The following MYO5A variants were observed in gnomAD, a reference collection of about 807,000 sequenced individuals.
The protein encoded by MYO5A is unconventional myosin-Va.
Under a neutral mutation model 249.7 loss-of-function variants are expected in MYO5A, and 98 were observed. That is an observed-to-expected ratio of 0.39 (90% CI 0.33 to 0.46). The LOEUF is 0.46. MYO5A is among the 20% of genes least tolerant of loss of function. The probability of loss-of-function intolerance (pLI) is 0.98; values close to 1 mark genes in which losing one functional copy is unlikely to be tolerated. For missense variants in MYO5A, 1,696 were observed against 2,308.8 expected, an observed-to-expected ratio of 0.73 and a Z score of 5.44; for synonymous variants, 778 against 810.6, an observed-to-expected ratio of 0.96 and a Z score of 0.68.
At chr15:52,517,100 A>G (rs1454898091) in intron 1 of MYO5A, among the ~76,000 whole-genome samples, 1 of 152,242 alleles carries the variant, frequency 6.6e-6, no homozygotes, top group Non-Finnish European at 1.5e-5. Flanking sequence ...AAGGTATTAA[A>G]AAGCAGAAAG....
At chr15:52,328,109 C>A in intron 35 of MYO5A, 103 bp from the exon 36 acceptor site, 1 of 943,908 alleles carries the variant, frequency 1.1e-6, no homozygotes, top group Non-Finnish European at 1.6e-6. Flanking sequence ...TTCAATCATT[C>A]AAGGTAAGTA....
intron 3 of MYO5A, among the ~76,000 whole-genome samples, chr15:52,427,074 G>A (rs2075411496): frequency 6.6e-6 from 1 of 152,084 alleles, no homozygotes; most frequent in African/African-American, 2.4e-5. Context: ...CATACAAAGA[G>A]AAAGGATGTA....
At chr15:52,469,370 AAAG>A (rs1759634605) in intron 1 of MYO5A, among the ~76,000 whole-genome samples, 1 of 152,250 alleles carries the variant, frequency 6.6e-6, no homozygotes, top group South Asian at 2.1e-4. Flanking sequence ...AAGCTAGAGA[AAAG>A]AAACTTATTA....
intron 29 of MYO5A, among the ~76,000 whole-genome samples, chr15:52,348,171 T>G (rs1230959907): frequency 6.6e-6 from 1 of 152,232 alleles, no homozygotes; most frequent in African/African-American, 2.4e-5. Context: ...GGATCAGATT[T>G]GGGCCACCAG....
intron 1 of MYO5A, among the ~76,000 whole-genome samples, chr15:52,433,587 A>AT (rs1567121938): frequency 6.6e-6 from 1 of 151,664 alleles, no homozygotes; most frequent in African/African-American, 2.4e-5. Flanking sequence ...CACTCAGCTA[A>AT]TTTTTTTGTT....
Position 52,309,340 on chromosome 15 carries a change from C to A in MYO5A, c.*4356G>T, listed in dbSNP as rs2037709192. ...AAAAAGAAAACCACCTGGCGCTGAG[C>A]ACTTGGTCTCCTTAAAACAAGTAAC... On this transcript the variant is annotated 3_prime_UTR_variant, in exon 42 of 42. Transcript: ENST00000399233. The A allele has an allele frequency of 6.6e-6, 1 of 152,184 alleles. No homozygotes were observed. The highest frequency in any genetic ancestry group is 1.5e-5 in the Non-Finnish European group (1 of 68,042). The allele number at this position is 152,184 out of a possible 1,614,324, so 9.4% of individuals were successfully genotyped here.
chr15:52,381,778 TCTCTCA>T (rs1246935262), intron 16 of MYO5A, among the ~76,000 whole-genome samples: 45 of 81,502 alleles, frequency 5.5e-4, no homozygotes, highest in Admixed American at 2.8e-3. Flanking sequence ...TCTCTCTCTC[TCTCTCA>T]CACACACACA....
chr15:52,450,217 A>G (rs1190692533), intron 1 of MYO5A, among the ~76,000 whole-genome samples: 1 of 152,092 alleles, frequency 6.6e-6, no homozygotes, highest in African/African-American at 2.4e-5. Flanking sequence ...TGGTTTTCCT[A>G]TGTATTGCCT....
chr15:52,464,197 G>A (rs1057152377), intron 1 of MYO5A, among the ~76,000 whole-genome samples: 1 of 152,138 alleles, frequency 6.6e-6, no homozygotes, highest in Non-Finnish European at 1.5e-5. Flanking sequence ...CCCGATTCAG[G>A]TACCTCATTG....
chr15:52,319,813 C>G (rs1478593824), intron 38 of MYO5A, among the ~76,000 whole-genome samples: 1 of 152,148 alleles, frequency 6.6e-6, no homozygotes. Context: ...TTAAACTTTA[C>G]TGAAGGAATA....
chr15:52,487,203 T>C (rs2076839900), intron 1 of MYO5A, among the ~76,000 whole-genome samples: 1 of 151,934 alleles, frequency 6.6e-6, no homozygotes, highest in African/African-American at 2.4e-5. Flanking sequence ...ATCGCATGAG[T>C]CCAGGAGTTC....
At chr15:52,470,011 G>A (rs957501402) in intron 1 of MYO5A, among the ~76,000 whole-genome samples, 17 of 152,254 alleles carry the variant, frequency 1.1e-4, no homozygotes, top group Admixed American at 1.0e-3. Context: ...TAAATCCTAC[G>A]AAGGCATTCA....
intron 22 of MYO5A, among the ~76,000 whole-genome samples, chr15:52,367,536 CAAAGGT>C (rs1366625067): frequency 6.6e-6 from 1 of 152,122 alleles, no homozygotes; most frequent in Non-Finnish European, 1.5e-5. Flanking sequence ...CATTTGCTCT[CAAAGGT>C]AATTGATATT....
intron 2 of MYO5A, among the ~76,000 whole-genome samples, chr15:52,429,701 A>AAACC (rs1344580837): frequency 5.1e-5 from 1 of 19,556 alleles, no homozygotes; most frequent in Admixed American, 7.7e-4. Context: ...AAAAAAACAA[A>AAACC]AAAACAAAAC....
chr15:52,445,425 T>C (rs988836086), intron 1 of MYO5A, among the ~76,000 whole-genome samples: 3 of 152,126 alleles, frequency 2.0e-5, no homozygotes, highest in Non-Finnish European at 2.9e-5. Context: ...TCTTATAACT[T>C]ACCCAGTCTC....
At chr15:52,355,720 A>C (rs2040186530) in intron 25 of MYO5A, among the ~76,000 whole-genome samples, 1 of 152,196 alleles carries the variant, frequency 6.6e-6, no homozygotes, top group Admixed American at 6.5e-5. Context: ...TATTATAAGT[A>C]ATGTAGAGAT....
At chr15:52,462,618 T>C (rs1595729175) in intron 1 of MYO5A, among the ~76,000 whole-genome samples, 1 of 152,104 alleles carries the variant, frequency 6.6e-6, no homozygotes, top group Non-Finnish European at 1.5e-5. Flanking sequence ...GAGGCCAAGG[T>C]GGGCAGATTG....
Position 52,468,065 on chromosome 15 carries a change from A to G in MYO5A, c.28-34780T>C, listed in dbSNP as rs541447782. On this transcript the variant is annotated intron_variant, in intron 1 of 41. Coordinates refer to ENST00000399233, the MANE Select transcript of MYO5A (RefSeq NM_001382347.1). ...ATTTAAAAAGTTAAACAAAGAAAAGATGGACCAGGTGCAGTGGCTCATGTC... is the reference window on the plus strand; with the variant it reads ...ATTTAAAAAGTTAAACAAAGAAAAGGTGGACCAGGTGCAGTGGCTCATGTC... Among the ~76,000 whole-genome samples, 5 of 152,290 alleles carry G rather than the reference A, an allele frequency of 3.3e-5. No individual in the cohort carries two copies. In the East Asian group the frequency reaches 9.6e-4, roughly 29 times the overall value.
intron 34 of MYO5A, 109 bp from the exon 35 acceptor site, chr15:52,330,608 A>G: frequency 1.5e-6 from 2 of 1,320,358 alleles, no homozygotes; most frequent in Non-Finnish European, 2.1e-6. Flanking sequence ...GAAACTTGCC[A>G]TATTTGCCAC....
Sources: gnomAD v4.1 joint callset for allele counts (sites outside exome capture counted in the v4.1 genomes callset) on GRCh38, gnomAD v4.1.1 for gene constraint, MANE v1.5 for transcripts, NCBI Gene and HGNC (gene_info 2026-07-23, HGNC 2026-07-21) for gene names.